The following MAF variants were observed in gnomAD, a reference collection of about 807,000 sequenced individuals.
The protein encoded by MAF is transcription factor Maf.
Under a neutral mutation model 22.0 loss-of-function variants are expected in MAF, and 10 were observed. That is an observed-to-expected ratio of 0.45 (90% CI 0.28 to 0.77). The LOEUF is 0.77. Ranked by LOEUF, MAF falls within the 30% of genes least tolerant of loss-of-function variation. The pLI, the probability that MAF is intolerant of heterozygous loss-of-function variation, is 0.12. For missense variants in MAF, 544 were observed against 548.4 expected (o/e 0.99, Z 0.08); for synonymous variants, 337 against 255.8 (o/e 1.32, Z -3.03).
the MAF span, among the ~76,000 whole-genome samples, chr16:79,362,232 A>G: frequency 6.6e-6 from 1 of 152,208 alleles, no homozygotes; most frequent in Non-Finnish European, 1.5e-5. Context: ...GTCAGTGCAC[A>G]TAAATATTGT....
At chr16:79,522,977 G>A in the MAF span, among the ~76,000 whole-genome samples, 11 of 152,078 alleles carry the variant, frequency 7.2e-5, no homozygotes, top group African/African-American at 1.7e-4. Context: ...ATCTTACCCC[G>A]CACAGGGAGA....
At chr16:79,317,499 T>C in the MAF span, among the ~76,000 whole-genome samples, 1 of 132,388 alleles carries the variant, frequency 7.6e-6, no homozygotes. Context: ...CCGTTCTCCC[T>C]TTCTTTTCTG....
chr16:79,242,394 G>A, the MAF span, among the ~76,000 whole-genome samples: 2 of 151,486 alleles, frequency 1.3e-5, no homozygotes, highest in Non-Finnish European at 2.9e-5. Flanking sequence ...AAAAGCAGGG[G>A]TTGCAATCCT....
the MAF span, among the ~76,000 whole-genome samples, chr16:79,464,058 C>G: frequency 1.3e-5 from 2 of 152,038 alleles, no homozygotes; most frequent in Non-Finnish European, 2.9e-5. Flanking sequence ...GCAGATGATG[C>G]AACTCGAACA....
At chr16:79,211,659 G>A in the MAF span, 31 of 1,614,080 alleles carry the variant, frequency 1.9e-5, no homozygotes, top group East Asian at 5.8e-4. Flanking sequence ...AGAACTGGAG[G>A]GTCTGGGAGG....
At chr16:79,544,842 G>T in the MAF span, among the ~76,000 whole-genome samples, 3 of 152,070 alleles carry the variant, frequency 2.0e-5, no homozygotes, top group Non-Finnish European at 4.4e-5. Flanking sequence ...TATTGATATG[G>T]CACCTTACTT....
chr16:79,540,614 C>T, the MAF span, among the ~76,000 whole-genome samples: 1 of 152,198 alleles, frequency 6.6e-6, no homozygotes, highest in African/African-American at 2.4e-5. Flanking sequence ...TGTGGGAAGC[C>T]AGACCACTTT....
the MAF span, among the ~76,000 whole-genome samples, chr16:79,233,284 G>T: frequency 6.6e-5 from 10 of 152,138 alleles, no homozygotes; most frequent in Admixed American, 1.3e-4. Context: ...AATACAGGTT[G>T]TGTTCAACAA....
At chr16:79,418,780 T>A in the MAF span, among the ~76,000 whole-genome samples, 197 of 152,244 alleles carry the variant, frequency 1.3e-3, no homozygotes, top group African/African-American at 4.6e-3. Context: ...GATAAGCAAT[T>A]TTTCATTATC....
the MAF span, among the ~76,000 whole-genome samples, chr16:79,207,270 G>A: frequency 6.6e-6 from 1 of 152,226 alleles, no homozygotes. Flanking sequence ...AGAAGTATTT[G>A]CTTTGTCCAA....
At chr16:79,528,019 T>C in the MAF span, among the ~76,000 whole-genome samples, 1 of 152,140 alleles carries the variant, frequency 6.6e-6, no homozygotes, top group Non-Finnish European at 1.5e-5. Flanking sequence ...GGTGCGCACC[T>C]GTAATCCCAG....
chr16:79,211,472 A>G, the MAF span: 2 of 1,084,980 alleles, frequency 1.8e-6, no homozygotes, highest in Non-Finnish European at 2.7e-6. Context: ...TCAGCCCAGT[A>G]CCCTTTGCTA....
the MAF span, among the ~76,000 whole-genome samples, chr16:79,499,852 T>C: frequency 0.042 from 6,371 of 152,294 alleles, 440 homozygotes; most frequent in African/African-American, 0.14. Flanking sequence ...ATCCCTACAA[T>C]CTGTGAATAT....
chr16:79,301,131 T>C, the MAF span, among the ~76,000 whole-genome samples: 81 of 152,274 alleles, frequency 5.3e-4, no homozygotes, highest in East Asian at 9.3e-3. Context: ...CCAGCTGCTC[T>C]TGCTACACGA....
the MAF span, among the ~76,000 whole-genome samples, chr16:79,393,074 C>A: frequency 6.6e-6 from 1 of 152,200 alleles, no homozygotes; most frequent in African/African-American, 2.4e-5. Context: ...AAAACATTCC[C>A]TTTGCTCCCG....
At chr16:79,408,373 G>A in the MAF span, among the ~76,000 whole-genome samples, 9 of 151,934 alleles carry the variant, frequency 5.9e-5, no homozygotes, top group Non-Finnish European at 8.8e-5. Flanking sequence ...ACGGGGTTTC[G>A]CCATGTTGTT....
the MAF span, among the ~76,000 whole-genome samples, chr16:79,390,748 G>A: frequency 1.3e-5 from 2 of 152,120 alleles, no homozygotes; most frequent in Non-Finnish European, 2.9e-5. Flanking sequence ...GATAAGATAT[G>A]GGTAGAGAAA....
intron 1 of MAF, among the ~76,000 whole-genome samples, chr16:79,588,439 C>G (rs572889476): frequency 6.6e-6 from 1 of 151,938 alleles, no homozygotes; most frequent in Non-Finnish European, 1.5e-5. Flanking sequence ...TTCTTTCTTT[C>G]TTTCTTTTTT....
chr16:79,596,381 C>A lies in MAF; in HGVS notation c.1119-1828G>T, dbSNP rs1166901327. On this transcript the variant is annotated intron_variant, in intron 1 of 1. Transcript: ENST00000326043. ...ACCCTGAATTACTGTCTCCCTATTC[C>A]TCCAGGAATCCTTCCACTGGAGAAA... 1.4e-5 allele frequency: 15 copies of A among 1,058,650 alleles called. No individual in the cohort carries two copies. The East Asian group carries it at 7.8e-4, about 55-fold the overall frequency. The allele number at this position is 1,058,650 out of a possible 1,614,324, so 65.6% of individuals were successfully genotyped here. A position where few individuals can be genotyped will look rare whatever the true frequency, so the allele number is the denominator to read the frequency against.
Sources: allele counts gnomAD v4.1 joint callset (sites outside exome capture counted in the v4.1 genomes callset), GRCh38; gene constraint gnomAD v4.1.1; transcripts MANE v1.5; gene names NCBI Gene and HGNC (gene_info 2026-07-23, HGNC 2026-07-21).